RSPO3: variants seen among roughly 807,000 people sequenced by gnomAD.
The protein encoded by RSPO3 is R-spondin 3.
In RSPO3, 17 loss-of-function variants were observed where a neutral mutation model predicts 36.5. The ratio of observed to expected loss-of-function variants is 0.47; its 90% CI spans 0.32 to 0.70. RSPO3 has a LOEUF of 0.70. Ranked by LOEUF, RSPO3 falls within the 30% of genes least tolerant of loss-of-function variation. The pLI is 0.04. For synonymous variants in RSPO3, 108 were observed against 107.0 expected, an observed-to-expected ratio of 1.01 and a Z score of -0.06; for missense variants, 294 against 322.5, an observed-to-expected ratio of 0.91 and a Z score of 0.68.
chr6:127,146,819 T>G (rs1774393728), intron 1 of RSPO3, among the ~76,000 whole-genome samples: 1 of 152,136 alleles, frequency 6.6e-6, no homozygotes, highest in Non-Finnish European at 1.5e-5. Flanking sequence ...CACCTCTCGC[T>G]TCTTGAAATG....
intron 4 of RSPO3, among the ~76,000 whole-genome samples, chr6:127,169,021 G>A (rs551216644): frequency 1.6e-4 from 24 of 152,072 alleles, no homozygotes; most frequent in Admixed American, 3.9e-4. Flanking sequence ...ATAGTTTGAA[G>A]TCAGGTAGCA....
At chr6:127,138,192 TTAGACCTTTGGTTTCTCTGTACCATA>T (rs1298731520) in intron 1 of RSPO3, among the ~76,000 whole-genome samples, 3 of 152,118 alleles carry the variant, frequency 2.0e-5, no homozygotes, top group South Asian at 2.1e-4. Context: ...TTTAGAATCT[TTAGACCTTTGGTTTCTCTGTACCATA>T]TAGACCTTTG....
At chr6:127,150,281 T>A in intron 2 of RSPO3, 145 bp from the exon 3 acceptor site, 1 of 671,628 alleles carries the variant, frequency 1.5e-6, no homozygotes, top group East Asian at 2.8e-5. Context: ...GGAGGAATCG[T>A]GAATTCAGTC....
At chr6:127,132,129 T>C (rs1362300495) in intron 1 of RSPO3, among the ~76,000 whole-genome samples, 2 of 151,968 alleles carry the variant, frequency 1.3e-5, no homozygotes, top group Non-Finnish European at 2.9e-5. Flanking sequence ...CCCCTGATCC[T>C]GGGAGTATGC....
intron 4 of RSPO3, among the ~76,000 whole-genome samples, chr6:127,179,811 A>T (rs573287185): frequency 6.6e-6 from 1 of 151,952 alleles, no homozygotes; most frequent in Non-Finnish European, 1.5e-5. Context: ...TCCTTGGTTC[A>T]TGGCCCCTTT....
intron 1 of RSPO3, among the ~76,000 whole-genome samples, chr6:127,135,258 A>G (rs2114556078): frequency 6.6e-6 from 1 of 152,060 alleles, no homozygotes; most frequent in South Asian, 2.1e-4. Flanking sequence ...CGTCTCTACT[A>G]AAAATATAAA....
At chr6:127,135,918 C>T (rs1176792993) in intron 1 of RSPO3, among the ~76,000 whole-genome samples, 2 of 123,574 alleles carry the variant, frequency 1.6e-5, no homozygotes, top group Non-Finnish European at 1.7e-5. Context: ...CAAACTGAGA[C>T]CCTGCCTCAA....
intron 1 of RSPO3, among the ~76,000 whole-genome samples, chr6:127,142,982 ATT>A (rs34440525): frequency 1.6e-3 from 231 of 143,118 alleles, no homozygotes; most frequent in Middle Eastern, 3.6e-3. Flanking sequence ...TGCCCAGCTA[ATT>A]TTTTTTTTTT....
intron 4 of RSPO3, among the ~76,000 whole-genome samples, chr6:127,173,960 G>A (rs1380261092): frequency 6.6e-6 from 1 of 151,868 alleles, no homozygotes; most frequent in Non-Finnish European, 1.5e-5. Flanking sequence ...ATTGTACAGC[G>A]TGCTCATTCG....
At chr6:127,192,778 A>G (rs1479003377) in intron 4 of RSPO3, 13 of 653,120 alleles carry the variant, frequency 2.0e-5, no homozygotes, top group Middle Eastern at 7.5e-4. Flanking sequence ...GTGTGTGTGT[A>G]TATATATATG....
chr6:127,179,247 CAATAATTAGATTGAGAGTA>C (rs1187097706), intron 4 of RSPO3, among the ~76,000 whole-genome samples: 1 of 151,860 alleles, frequency 6.6e-6, no homozygotes, highest in Admixed American at 6.6e-5. Flanking sequence ...TTGCTTCTTA[CAATAATTAGATTGAGAGTA>C]GAGAATTAGA....
chr6:127,129,279 A>T (rs1411787559), intron 1 of RSPO3, among the ~76,000 whole-genome samples: 2 of 152,062 alleles, frequency 1.3e-5, no homozygotes, highest in Non-Finnish European at 2.9e-5. Context: ...TTGGGTAGTT[A>T]TCTCCATTAA....
chr6:127,153,952 G>C (rs1018103033), intron 3 of RSPO3, among the ~76,000 whole-genome samples: 3 of 152,002 alleles, frequency 2.0e-5, no homozygotes, highest in Non-Finnish European at 4.4e-5. Context: ...AATTGTAGTG[G>C]TATAACTGAG....
At chr6:127,148,961 A>C in intron 2 of RSPO3, 122 bp downstream of exon 2, 1 of 792,718 alleles carries the variant, frequency 1.3e-6, no homozygotes, top group South Asian at 2.4e-5. Context: ...TCTGATAATT[A>C]GGCTAAACCA....
rs186977733 is a variant in RSPO3 at position 127,193,813 on chromosome 6, C to G, written c.635-2010C>G. Among the ~76,000 whole-genome samples, 395 of 152,268 alleles carry G rather than the reference C, an allele frequency of 2.6e-3. 1 individual carries two copies. Among genetic ancestry groups the G allele is most frequent in the Non-Finnish European group, 4.4e-3 (298 of 68,020 alleles). ...CATGGAAAGAAGGCCCTGATCCCTTCTGTAGAAATCTTATCAACCCAGCAA... is the reference window on the plus strand; with the variant it reads ...CATGGAAAGAAGGCCCTGATCCCTTGTGTAGAAATCTTATCAACCCAGCAA... On this transcript the variant is annotated intron_variant, in intron 4 of 4. Transcript: ENST00000356698.
intron 1 of RSPO3, among the ~76,000 whole-genome samples, chr6:127,145,327 G>C (rs1257590461): frequency 6.6e-6 from 1 of 151,952 alleles, no homozygotes; most frequent in Non-Finnish European, 1.5e-5. Context: ...GTTATCATCA[G>C]CCTCTTACCT....
intron 1 of RSPO3, among the ~76,000 whole-genome samples, chr6:127,139,345 C>T (rs1177164113): frequency 6.6e-6 from 1 of 152,128 alleles, no homozygotes; most frequent in Non-Finnish European, 1.5e-5. Flanking sequence ...GCTACTTTAG[C>T]ATGCTATGTA....
intron 1 of RSPO3, among the ~76,000 whole-genome samples, chr6:127,143,872 C>T (rs1398457742): frequency 6.6e-6 from 1 of 152,078 alleles, no homozygotes; most frequent in Non-Finnish European, 1.5e-5. Flanking sequence ...AAACAAGTAG[C>T]CAAAGGTTGT....
At chr6:127,141,909 G>A (rs547661646) in intron 1 of RSPO3, among the ~76,000 whole-genome samples, 13 of 152,006 alleles carry the variant, frequency 8.6e-5, no homozygotes, top group East Asian at 3.9e-4. Flanking sequence ...ATACACATGC[G>A]CAGACATACA....
Sources: gnomAD v4.1 joint callset for allele counts (sites outside exome capture counted in the v4.1 genomes callset) on GRCh38, gnomAD v4.1.1 for gene constraint, MANE v1.5 for transcripts, NCBI Gene and HGNC (gene_info 2026-07-23, HGNC 2026-07-21) for gene names.